MIGA2: variants seen among roughly 807,000 people sequenced by gnomAD.
MIGA2 encodes the protein family with sequence similarity 73, member B.
In MIGA2, 36 loss-of-function variants were observed where a neutral mutation model predicts 69.9. The observed-to-expected ratio is 0.52, with a 90% confidence interval of 0.39 to 0.68. MIGA2 has a LOEUF of 0.68. Among genes scored for constraint, MIGA2 ranks in the 30% least tolerant of loss-of-function variants. The probability of loss-of-function intolerance (pLI) is 0.00; values close to 1 mark genes in which losing one functional copy is unlikely to be tolerated. For synonymous variants in MIGA2, 333 were observed against 349.2 expected, an observed-to-expected ratio of 0.95 and a Z score of 0.52; for missense variants, 660 against 787.7, an observed-to-expected ratio of 0.84 and a Z score of 1.94.
At position 129,068,107 on chromosome 9, in the gene MIGA2, G is replaced by A. The variant is rs764318931; in HGVS notation, c.1270-91G>A. On this transcript the variant is annotated intron_variant, in intron 12 of 15. Coordinates refer to ENST00000684074, the MANE Select transcript of MIGA2 (RefSeq NM_001329990.2). The surrounding 1 kb of genome is among the most constrained non-coding windows in gnomAD (Gnocchi z 4.1). ...TCCCCCCCACGTGTGCTCATGCCCTGGACCCCAGCTTCAGTCTCCCCATCT... is the reference window on the plus strand; with the variant it reads ...TCCCCCCCACGTGTGCTCATGCCCTAGACCCCAGCTTCAGTCTCCCCATCT... The A allele has an allele frequency of 1.9e-5, 30 of 1,575,304 alleles. No individual in the cohort carries two copies. The highest frequency in any genetic ancestry group is 6.7e-5 in the East Asian group (3 of 44,696).
chr9:129,065,389 G>A (rs573241627), intron 11 of MIGA2, among the ~76,000 whole-genome samples: 40 of 151,094 alleles, frequency 2.6e-4, no homozygotes, highest in Middle Eastern at 3.4e-3. Context: ...CATGTTGTCC[G>A]GGCTGGAGTA....
intron 6 of MIGA2, among the ~76,000 whole-genome samples, chr9:129,054,992 A>G (rs1845720723): frequency 6.6e-6 from 1 of 151,242 alleles, no homozygotes; most frequent in South Asian, 2.1e-4. Context: ...CCCAGGTTCA[A>G]ACGATTCTCC....
chr9:129,050,210 C>T (rs1266235549), intron 6 of MIGA2, among the ~76,000 whole-genome samples: 1 of 152,218 alleles, frequency 6.6e-6, no homozygotes, highest in African/African-American at 2.4e-5. Context: ...ACGTGTGGTC[C>T]TGAAAGGCTG....
chr9:129,055,329 C>G (rs1000885069), intron 6 of MIGA2, among the ~76,000 whole-genome samples: 2 of 152,098 alleles, frequency 1.3e-5, no homozygotes, highest in Admixed American at 6.6e-5. Context: ...CCACCTGCCT[C>G]GGCCTCCCAA....
At chr9:129,066,490 C>G (rs554409452) in intron 11 of MIGA2, among the ~76,000 whole-genome samples, 3 of 147,654 alleles carry the variant, frequency 2.0e-5, no homozygotes, top group South Asian at 2.2e-4. Context: ...CTGGCTAGCA[C>G]AGTGAAACCC....
At chr9:129,062,842 TA>T (rs547124198) in intron 9 of MIGA2, among the ~76,000 whole-genome samples, 3,027 of 141,300 alleles carry the variant, frequency 0.021, 98 homozygotes, top group Admixed American at 0.097. Flanking sequence ...AGACTCCGTC[TA>T]AAAAAAAAAA....
Position 129,070,683 on chromosome 9 carries a change from G to T in MIGA2, c.*230G>T. 2 of 553,172 alleles carry T rather than the reference G, an allele frequency of 3.6e-6. No homozygotes were observed. Among genetic ancestry groups the T allele is most frequent in the South Asian group, 2.8e-5 (1 of 35,890 alleles). 34.3% of individuals were successfully genotyped at this position (553,172 alleles called of 1,614,324 possible). A position where few individuals can be genotyped will look rare whatever the true frequency, so the allele number is the denominator to read the frequency against. ...GGGAGAGAAAGGCTGTGAGAGAGGG[G>T]GTTGTTGTGGAGAATTGGGACAGGC... On this transcript the variant is annotated 3_prime_UTR_variant, in exon 16 of 16. Transcript: ENST00000684074.
At chr9:129,056,129 GAAAA>G (rs76491749) in intron 6 of MIGA2, among the ~76,000 whole-genome samples, 1 of 77,362 alleles carries the variant, frequency 1.3e-5, no homozygotes, top group Non-Finnish European at 3.3e-5. Context: ...CCTGTCTCAA[GAAAA>G]AAAAAAAAAA....
chr9:129,060,443 C>T lies in MIGA2; in HGVS notation c.794-107C>T, dbSNP rs918643560. The T allele has an allele frequency of 1.0e-5, 9 of 885,362 alleles. No homozygotes were observed. The highest frequency in any genetic ancestry group is 5.1e-5 in the South Asian group (3 of 59,024). 54.8% of individuals were successfully genotyped at this position (885,362 alleles called of 1,614,324 possible). On this transcript the variant is annotated intron_variant, in intron 7 of 15. Coordinates refer to ENST00000684074, the MANE Select transcript of MIGA2 (RefSeq NM_001329990.2). This position sits in a 1 kb window ranked among gnomAD's most constrained non-coding sequence, Gnocchi z 4.8. ...CCATTGAGTGTGGGAATCACAGGCT[C>T]GGGATGAAGCCTCCCCTGGGCCTGA...
At position 129,070,592 on chromosome 9, in the gene MIGA2, A is replaced by T; in HGVS notation, c.*139A>T. The T allele has an allele frequency of 1.1e-6, 1 of 918,428 alleles. No individual in the cohort carries two copies. Among genetic ancestry groups the T allele is most frequent in the South Asian group, 1.8e-5 (1 of 56,050 alleles). 56.9% of individuals were successfully genotyped at this position (918,428 alleles called of 1,614,324 possible). A position where few individuals can be genotyped will look rare whatever the true frequency, so the allele number is the denominator to read the frequency against. On this transcript the variant is annotated 3_prime_UTR_variant, in exon 16 of 16. Coordinates refer to ENST00000684074, the MANE Select transcript of MIGA2 (RefSeq NM_001329990.2). The stretch of plus-strand genomic sequence containing the variant: ...TCATCTGGGAGTCCCCAAGGCCCAG[A>T]GGGGACATTTCCATGGAGAAGAACG...
chr9:129,050,274 T>C (rs573187773), intron 6 of MIGA2, among the ~76,000 whole-genome samples: 5 of 152,112 alleles, frequency 3.3e-5, no homozygotes, highest in Non-Finnish European at 7.4e-5. Context: ...CTTTGTTTTG[T>C]TTTGTTTTGT....
chr9:129,069,410 G>C lies in MIGA2; in HGVS notation c.1458+281G>C. On this transcript the variant is annotated intron_variant, in intron 14 of 15. Transcript: ENST00000684074. The surrounding 1 kb of genome is among the most constrained non-coding windows in gnomAD (Gnocchi z 4.9). ...AGGGCTGGCAGCTGGCCTGGTGCAG[G>C]CGTCTCGGTGGGGGCAGGATACCCA... 1.8e-6 allele frequency: 1 copy of C among 559,830 alleles called. No homozygotes were observed. The highest frequency in any genetic ancestry group is 3.2e-6 in the Non-Finnish European group (1 of 312,140). The allele number at this position is 559,830 out of a possible 1,614,324, so 34.7% of individuals were successfully genotyped here.
chr9:129,064,192 T>G (rs1469365550), intron 11 of MIGA2, among the ~76,000 whole-genome samples: 1 of 152,096 alleles, frequency 6.6e-6, no homozygotes, highest in Non-Finnish European at 1.5e-5. Context: ...GTTGCATAAT[T>G]TTTTTGATGA....
Position 129,068,252 on chromosome 9 carries a change from T to G in MIGA2, c.1324T>G (p.Phe442Val), listed in dbSNP as rs1846474123. Reference protein sequence around the residue: ...IVLDFILMDAFEDLENPPASV... With the variant: ...IVLDFILMDAVEDLENPPASV... ...GCTGGACTTCATCCTCATGGACGCC[T>G]TCGAGGACCTGGAGAACCCTCCGGC... The change falls in exon 13 of 16, where the codon TTC becomes GTC. Residue 442 changes from phenylalanine (F) to valine (V), a missense_variant. By Grantham distance (50) the Phe-to-Val change is conservative. This residue lies in a region of MIGA2 where 220 missense variants were observed against 301.7 expected (regional missense o/e 0.73). Coordinates refer to ENST00000684074, the MANE Select transcript of MIGA2 (RefSeq NM_001329990.2). This position sits in a 1 kb window ranked among gnomAD's most constrained non-coding sequence, Gnocchi z 4.1. The G allele has an allele frequency of 6.2e-7, 1 of 1,613,446 alleles. No individual in the cohort carries two copies. The highest frequency in any genetic ancestry group is 1.3e-5 in the African/African-American group (1 of 74,910).
At position 129,060,524 on chromosome 9, in the gene MIGA2, C is replaced by T; in HGVS notation, c.794-26C>T. 1 of 1,555,918 alleles carries T rather than the reference C, an allele frequency of 6.4e-7. No homozygotes were observed. The highest frequency in any genetic ancestry group is 8.7e-7 in the Non-Finnish European group (1 of 1,145,984). On this transcript the variant is annotated intron_variant, in intron 7 of 15. Transcript: ENST00000684074. This position sits in a 1 kb window ranked among gnomAD's most constrained non-coding sequence, Gnocchi z 4.8. ...GAGCACTGTGTGGGGAGTCTCAGCC[C>T]CGCTTTCTCTCACTGCTCTTCCCAG... is the stretch of plus-strand genomic sequence containing the variant.
chr9:129,037,059 G>A (rs1160595861), intron 1 of MIGA2: 2 of 1,002,308 alleles, frequency 2.0e-6, no homozygotes, highest in Non-Finnish European at 2.4e-6. Flanking sequence ...AGAGAAGAAG[G>A]GGCTGCCCAA....
chr9:129,063,660 T>C, intron 11 of MIGA2, 29 bp downstream of exon 11: 1 of 1,602,348 alleles, frequency 6.2e-7, no homozygotes, highest in Non-Finnish European at 8.5e-7. Context: ...GGGGGGCAAA[T>C]TATAAAATGC....
chr9:129,059,326 T>C lies in MIGA2; in HGVS notation c.793+55T>C. The C allele has an allele frequency of 1.4e-6, 2 of 1,398,370 alleles. No individual in the cohort carries two copies. Among genetic ancestry groups the C allele is most frequent in the Non-Finnish European group, 2.0e-6 (2 of 1,013,784 alleles). 86.6% of individuals were successfully genotyped at this position (1,398,370 alleles called of 1,614,324 possible). On this transcript the variant is annotated intron_variant, in intron 7 of 15. Coordinates refer to ENST00000684074, the MANE Select transcript of MIGA2 (RefSeq NM_001329990.2). The surrounding 1 kb of genome is among the most constrained non-coding windows in gnomAD (Gnocchi z 5.6). ...GCGTGGAGGGTGGCAGGGATGGAGG[T>C]GAGGAGAAGTTGCGAGAACCGGGTC...
In MIGA2 at chr9:129,068,964, G is replaced by T; in HGVS notation, c.1405-112G>T. 2.4e-6 allele frequency: 3 copies of T among 1,246,838 alleles called. No homozygotes were observed. In the South Asian group the frequency reaches 3.7e-5, roughly 15 times the overall value. 77.2% of individuals were successfully genotyped at this position (1,246,838 alleles called of 1,614,324 possible). On this transcript the variant is annotated intron_variant, in intron 13 of 15. Coordinates refer to ENST00000684074, the MANE Select transcript of MIGA2 (RefSeq NM_001329990.2). The surrounding 1 kb of genome is among the most constrained non-coding windows in gnomAD (Gnocchi z 4.1). ...CTTAGGCACCTGGCCCCATCTTCCT[G>T]CTTGGAGTGGGGTGAGCTGGGTTTA...
Sources: allele counts gnomAD v4.1 joint callset (sites outside exome capture counted in the v4.1 genomes callset), GRCh38; gene constraint gnomAD v4.1.1; regional missense constraint gnomAD v4.1.1; non-coding constraint Gnocchi (gnomAD v3.1); transcripts MANE v1.5; gene names NCBI Gene and HGNC (gene_info 2026-07-23, HGNC 2026-07-21).